RWDD4: variants seen among roughly 807,000 people sequenced by gnomAD.
RWDD4 encodes the protein RWD domain-containing protein 4.
RWDD4 carries 16 observed loss-of-function variants against 30.0 expected under a neutral mutation model. That is an observed-to-expected ratio of 0.53 (90% CI 0.36 to 0.81). RWDD4 has a LOEUF of 0.81. Among genes scored for constraint, RWDD4 ranks in the 30% least tolerant of loss-of-function variants. The probability of loss-of-function intolerance (pLI) is 0.00; values close to 1 mark genes in which losing one functional copy is unlikely to be tolerated. For missense variants in RWDD4, 170 were observed against 223.9 expected, an observed-to-expected ratio of 0.76 and a Z score of 1.54; for synonymous variants, 45 against 72.1, an observed-to-expected ratio of 0.62 and a Z score of 1.90.
chr4:183,655,381 A>T (rs562049819), intron 2 of RWDD4, among the ~76,000 whole-genome samples: 20 of 151,382 alleles, frequency 1.3e-4, no homozygotes, highest in African/African-American at 4.9e-4. Flanking sequence ...TCCCGGGTTC[A>T]CGCCATTCTC....
intron 7 of RWDD4, among the ~76,000 whole-genome samples, chr4:183,645,277 T>C (rs1380217089): frequency 2.6e-5 from 4 of 152,206 alleles, no homozygotes; most frequent in African/African-American, 9.7e-5. Context: ...CAAAATTTAT[T>C]TCGTGAAGTC....
chr4:183,643,059 AAAAT>A (rs201296160), intron 7 of RWDD4, among the ~76,000 whole-genome samples: 23,539 of 111,910 alleles, frequency 0.21, 3,097 homozygotes, highest in South Asian at 0.3. Flanking sequence ...ACTCCGTTCA[AAAAT>A]AAATAAATAA....
Position 183,652,361 on chromosome 4 carries a change from C to CTTTTTTTT in RWDD4, c.106-1042_106-1035dup, listed in dbSNP as rs59841926. Reference sequence around the variant, plus strand: ...AACAGTCCCCAGCCCTCTCCCCTGGCTTTTTTTTTTTTTTTTTGAGACAGG... The same window carrying CTTTTTTTT: ...AACAGTCCCCAGCCCTCTCCCCTGGCTTTTTTTTTTTTTTTTTTTTTTTTTGAGACAGG... On this transcript the variant is annotated intron_variant, in intron 2 of 7. Coordinates refer to ENST00000326397, the MANE Select transcript of RWDD4 (RefSeq NM_152682.4). Among the ~76,000 whole-genome samples the CTTTTTTTT allele has an allele frequency of 1.7e-3, 214 of 123,234 alleles. 6 individuals carry two copies. The highest frequency in any genetic ancestry group is 2.7e-3 in the African/African-American group (83 of 31,286). 80.8% of individuals were successfully genotyped at this position (123,234 alleles called of 152,430 possible).
At chr4:183,642,339 G>A (rs1448013005) in intron 7 of RWDD4, among the ~76,000 whole-genome samples, 3 of 127,978 alleles carry the variant, frequency 2.3e-5, no homozygotes, top group African/African-American at 7.1e-5. Context: ...ACAGGCGCCC[G>A]CTACCACGCC....
At chr4:183,647,633 T>C (rs1014600683) in intron 5 of RWDD4, among the ~76,000 whole-genome samples, 1 of 152,034 alleles carries the variant, frequency 6.6e-6, no homozygotes, top group African/African-American at 2.4e-5. Flanking sequence ...TGAAATAGAG[T>C]GATCACAGGT....
rs1320672006 is a variant in RWDD4 at position 183,650,995 on chromosome 4, T to C, written c.352A>G (p.Ile118Val). The change falls in exon 4 of 8, where the codon ATC becomes GTC. Residue 118 changes from isoleucine to valine, a missense_variant. By Grantham distance (29) the Ile-to-Val change is conservative. Coordinates refer to ENST00000326397, the MANE Select transcript of RWDD4 (RefSeq NM_152682.4). ...KEQFMENHNP[I>V]NSATSISNII... ...AATCACATACTCACTGCGGAATTGA[T>C]GGGATTGTGATTCTCCATGAACTGC... is the stretch of plus-strand genomic sequence containing the variant. 5 of 1,609,966 alleles carry C rather than the reference T, an allele frequency of 3.1e-6. No homozygotes were observed. Among genetic ancestry groups the C allele is most frequent in the Non-Finnish European group, 4.2e-6 (5 of 1,178,814 alleles).
At chr4:183,657,923 T>A (rs542463054) in intron 1 of RWDD4, among the ~76,000 whole-genome samples, 21 of 152,330 alleles carry the variant, frequency 1.4e-4, no homozygotes, top group Non-Finnish European at 2.8e-4. Flanking sequence ...AGTGCACGCA[T>A]CTGTTTTCTA....
intron 5 of RWDD4, among the ~76,000 whole-genome samples, 197 bp from the exon 6 acceptor site, chr4:183,646,734 C>CT (rs1477703214): frequency 6.6e-6 from 1 of 152,074 alleles, no homozygotes; most frequent in African/African-American, 2.4e-5. Flanking sequence ...AGGTATACTC[C>CT]TTTTTTACAT....
intron 1 of RWDD4, 51 bp from the exon 2 acceptor site, chr4:183,656,012 AAT>A (rs1462367779): frequency 8.1e-6 from 10 of 1,238,762 alleles, no homozygotes; most frequent in Non-Finnish European, 9.4e-6. Context: ...ATGAATTAGA[AAT>A]AGAGGGTCTT....
intron 2 of RWDD4, among the ~76,000 whole-genome samples, chr4:183,654,849 C>G (rs1160338892): frequency 6.6e-6 from 1 of 152,138 alleles, no homozygotes; most frequent in Non-Finnish European, 1.5e-5. Flanking sequence ...GCATAAGAAT[C>G]ATTTCTAATA....
intron 5 of RWDD4, 42 bp downstream of exon 5, chr4:183,649,409 T>C: frequency 7.5e-7 from 1 of 1,330,552 alleles, no homozygotes; most frequent in Non-Finnish European, 1.1e-6. Flanking sequence ...AGTGAGACTC[T>C]GTCAAAAAAA....
At chr4:183,646,164 A>G (rs1194116678) in intron 7 of RWDD4, among the ~76,000 whole-genome samples, 187 bp downstream of exon 7, 2 of 152,116 alleles carry the variant, frequency 1.3e-5, no homozygotes, top group Non-Finnish European at 2.9e-5. Context: ...TTGACCTCCA[A>G]AAGTGCTGGG....
intron 2 of RWDD4, among the ~76,000 whole-genome samples, chr4:183,652,640 T>C (rs1405227460): frequency 6.6e-6 from 1 of 151,982 alleles, no homozygotes; most frequent in Non-Finnish European, 1.5e-5. Flanking sequence ...TGAAACCCCA[T>C]CTCTGCTAAA....
rs1251489950 is a variant in RWDD4, at chr4:183,649,585, A to G, written c.364-17T>C. On this transcript the variant is annotated splice_polypyrimidine_tract_variant and intron_variant, in intron 4 of 7. Coordinates refer to ENST00000326397, the MANE Select transcript of RWDD4 (RefSeq NM_152682.4). ...TATCGATGTCTAAAAAAAAAAAGAA[A>G]TAATTCTCAGCCTCATACCTTACAA... 3 of 1,361,814 alleles carry G rather than the reference A, an allele frequency of 2.2e-6. No homozygotes were observed. The highest frequency in any genetic ancestry group is 1.8e-5 in the Admixed American group (1 of 54,500). The allele number at this position is 1,361,814 out of a possible 1,614,324, so 84.4% of individuals were successfully genotyped here.
intron 7 of RWDD4, among the ~76,000 whole-genome samples, chr4:183,645,440 G>C (rs893304603): frequency 6.6e-6 from 1 of 152,042 alleles, no homozygotes; most frequent in Non-Finnish European, 1.5e-5. Context: ...TTGGTATGAT[G>C]AACAACCACG....
At chr4:183,646,773 T>A (rs1367608364) in intron 5 of RWDD4, among the ~76,000 whole-genome samples, 1 of 152,166 alleles carries the variant, frequency 6.6e-6, no homozygotes, top group Non-Finnish European at 1.5e-5. Flanking sequence ...AGACAAAACC[T>A]GATAATGAGG....
At chr4:183,645,434 T>C (rs1733948346) in intron 7 of RWDD4, among the ~76,000 whole-genome samples, 1 of 152,076 alleles carries the variant, frequency 6.6e-6, no homozygotes. Context: ...TTGTTCTTGG[T>C]ATGATGAACA....
At chr4:183,654,611 G>A (rs1734147512) in intron 2 of RWDD4, among the ~76,000 whole-genome samples, 1 of 152,142 alleles carries the variant, frequency 6.6e-6, no homozygotes, top group Non-Finnish European at 1.5e-5. Flanking sequence ...CACTGCCATT[G>A]TGAATGAGAT....
At chr4:183,644,706 G>A (rs1206371495) in intron 7 of RWDD4, among the ~76,000 whole-genome samples, 1 of 151,948 alleles carries the variant, frequency 6.6e-6, no homozygotes, top group Non-Finnish European at 1.5e-5. Context: ...TTGAACCCAG[G>A]AGCAGAGGGT....
Sources: allele counts gnomAD v4.1 joint callset (sites outside exome capture counted in the v4.1 genomes callset), GRCh38; gene constraint gnomAD v4.1.1; transcripts MANE v1.5; gene names NCBI Gene and HGNC (gene_info 2026-07-23, HGNC 2026-07-21).